Variants in SLC35D4 observed in about 807,000 individuals in gnomAD.
The protein encoded by SLC35D4 is UDP-N-acetylglucosamine transporter SLC35D4.
the SLC35D4 span, among the ~76,000 whole-genome samples, chr18:23,378,087 A>G: frequency 6.6e-6 from 1 of 151,706 alleles, no homozygotes; most frequent in Non-Finnish European, 1.5e-5. Context: ...GTGCAATGAC[A>G]TGGTCACTGC....
the SLC35D4 span, among the ~76,000 whole-genome samples, chr18:23,329,316 G>C: frequency 2.0e-5 from 3 of 152,076 alleles, no homozygotes; most frequent in African/African-American, 7.2e-5. Context: ...TTCTGACAAA[G>C]GGCTAATATC....
chr18:23,287,454 A>G, the SLC35D4 span, among the ~76,000 whole-genome samples: 1 of 152,170 alleles, frequency 6.6e-6, no homozygotes, highest in Non-Finnish European at 1.5e-5. Context: ...AGTCAAGCCC[A>G]AATTTCTTCC....
At chr18:23,238,538 C>T in the SLC35D4 span, among the ~76,000 whole-genome samples, 1 of 152,192 alleles carries the variant, frequency 6.6e-6, no homozygotes, top group Admixed American at 6.5e-5. Flanking sequence ...TTCTTCCACT[C>T]TATGATCTGT....
At chr18:23,269,347 C>A in the SLC35D4 span, among the ~76,000 whole-genome samples, 1 of 152,194 alleles carries the variant, frequency 6.6e-6, no homozygotes, top group South Asian at 2.1e-4. Flanking sequence ...TTCCTGCCAC[C>A]ATGTGAAGAA....
At chr18:23,427,665 C>T in the SLC35D4 span, among the ~76,000 whole-genome samples, 1 of 152,216 alleles carries the variant, frequency 6.6e-6, no homozygotes, top group Non-Finnish European at 1.5e-5. Flanking sequence ...AATCCCATTA[C>T]TGGGTATATA....
the SLC35D4 span, among the ~76,000 whole-genome samples, chr18:23,293,622 A>G: frequency 0.71 from 107,349 of 152,020 alleles, 38,256 homozygotes; most frequent in Middle Eastern, 0.86. Context: ...GCCCTTCTCT[A>G]TTTCAAGCTC....
the SLC35D4 span, among the ~76,000 whole-genome samples, chr18:23,362,917 C>G: frequency 6.6e-6 from 1 of 152,170 alleles, no homozygotes; most frequent in Non-Finnish European, 1.5e-5. Context: ...AACCTCTTAG[C>G]TGAAGGGCAG....
chr18:23,437,904 GGCC>G, the SLC35D4 span: 4,444 of 1,570,874 alleles, frequency 2.8e-3, 119 homozygotes, highest in African/African-American at 0.054. Context: ...CAAATCCCCT[GGCC>G]GCCGCCCGAC....
chr18:23,288,730 G>T, the SLC35D4 span, among the ~76,000 whole-genome samples: 8 of 152,260 alleles, frequency 5.3e-5, no homozygotes, highest in East Asian at 1.4e-3. Context: ...CCTCGGTATG[G>T]CCTTCCCACC....
chr18:23,240,641 C>G, the SLC35D4 span, among the ~76,000 whole-genome samples: 2 of 152,306 alleles, frequency 1.3e-5, no homozygotes, highest in East Asian at 3.9e-4. Flanking sequence ...GGTCACAGGC[C>G]AATTATGCAG....
the SLC35D4 span, among the ~76,000 whole-genome samples, chr18:23,280,154 C>T: frequency 6.6e-6 from 1 of 152,406 alleles, no homozygotes. Context: ...CCCTGCACTG[C>T]AGGCAGCGGG....
At chr18:23,428,590 C>T in the SLC35D4 span, among the ~76,000 whole-genome samples, 1 of 152,090 alleles carries the variant, frequency 6.6e-6, no homozygotes, top group African/African-American at 2.4e-5. Context: ...TGATTACAGC[C>T]CACTGCAGCC....
the SLC35D4 span, chr18:23,331,046 T>G: frequency 6.6e-6 from 1 of 152,356 alleles, no homozygotes; most frequent in African/African-American, 2.4e-5. Flanking sequence ...TTCCAGCTAC[T>G]CGGGAGGCCC....
the SLC35D4 span, among the ~76,000 whole-genome samples, chr18:23,428,223 A>C: frequency 6.6e-6 from 1 of 152,154 alleles, no homozygotes; most frequent in Non-Finnish European, 1.5e-5. Flanking sequence ...TAAAACCTCA[A>C]TGAAAATAAA....
At chr18:23,255,095 T>C in the SLC35D4 span, among the ~76,000 whole-genome samples, 1 of 152,150 alleles carries the variant, frequency 6.6e-6, no homozygotes, top group Non-Finnish European at 1.5e-5. Flanking sequence ...TGCCTGGCTC[T>C]GGGGTGATAA....
At chr18:23,259,073 T>C in the SLC35D4 span, 1 of 151,988 alleles carries the variant, frequency 6.6e-6, no homozygotes, top group Non-Finnish European at 1.5e-5. Context: ...AACTGGTACT[T>C]AGGGCACTTG....
chr18:23,423,519 G>A, the SLC35D4 span, among the ~76,000 whole-genome samples: 1 of 152,192 alleles, frequency 6.6e-6, no homozygotes, highest in Non-Finnish European at 1.5e-5. Flanking sequence ...CAATGTGCAG[G>A]GCAGTCCCCG....
At chr18:23,325,838 C>G in the SLC35D4 span, among the ~76,000 whole-genome samples, 1 of 152,204 alleles carries the variant, frequency 6.6e-6, no homozygotes, top group Admixed American at 6.5e-5. Flanking sequence ...GCCCCCCCAC[C>G]CCGTGTGGGT....
chr18:23,278,568 G>A, the SLC35D4 span, among the ~76,000 whole-genome samples: 1 of 152,060 alleles, frequency 6.6e-6, no homozygotes, highest in African/African-American at 2.4e-5. Context: ...CGTTTCTTAG[G>A]GGCTATAACT....
Sources: gnomAD v4.1 joint callset for allele counts (sites outside exome capture counted in the v4.1 genomes callset) on GRCh38, gnomAD v4.1.1 for gene constraint, MANE v1.5 for transcripts, NCBI Gene and HGNC (gene_info 2026-07-23, HGNC 2026-07-21) for gene names.